Variants in MYO18A observed in about 807,000 individuals in gnomAD.
The protein encoded by MYO18A is unconventional myosin-XVIIIa.
MYO18A carries 78 observed loss-of-function variants against 235.8 expected under a neutral mutation model. That is an observed-to-expected ratio of 0.33 (90% CI 0.28 to 0.40). The LOEUF is 0.40. Ranked by LOEUF, MYO18A falls within the 10% of genes least tolerant of loss-of-function variation. MYO18A has a pLI of 1.00. For synonymous variants in MYO18A, 977 were observed against 1,077.8 expected, an observed-to-expected ratio of 0.91 and a Z score of 1.83; for missense variants, 2,215 against 2,699.3, an observed-to-expected ratio of 0.82 and a Z score of 3.98.
In MYO18A at chr17:29,092,939, G is replaced by A. The variant is rs895121184; in HGVS notation, c.4989C>T (p.Ala1663=). 1.2e-6 allele frequency: 2 copies of A among 1,613,810 alleles called. No homozygotes were observed. Among genetic ancestry groups the A allele is most frequent in the African/African-American group, 2.7e-5 (2 of 74,936 alleles). Residue 1663 remains alanine (A), a synonymous_variant, in exon 33 of 42, where the codon GCC becomes GCT. Transcript: ENST00000527372. ...RLRKDLKRTK[A]LLADAQLMLD... is the part of the protein sequence containing the mutation. The stretch of plus-strand genomic sequence containing the variant: ...GCATGAGCTGGGCATCTGCCAGCAG[G>A]GCCTTGGTGCGCTTCAGGTCCTTCC...
Position 29,089,916 on chromosome 17 carries a change from C to T in MYO18A, c.5526+45G>A, listed in dbSNP as rs1463916090. The T allele has an allele frequency of 7.4e-6, 12 of 1,611,496 alleles. No individual in the cohort carries two copies. In the Middle Eastern group the frequency reaches 4.9e-4, roughly 66 times the overall value. On this transcript the variant is annotated intron_variant, in intron 37 of 41. Transcript: ENST00000527372. The stretch of plus-strand genomic sequence containing the variant: ...AGCATGCGCGGCTCCAGCGCTGGGG[C>T]AGCTCTGCCCTGTTTGGTGTGGCCC...
chr17:29,159,938 A>G (rs910296988), intron 2 of MYO18A, among the ~76,000 whole-genome samples: 1 of 152,204 alleles, frequency 6.6e-6, no homozygotes, highest in Non-Finnish European at 1.5e-5. Context: ...AGCACCCAGA[A>G]GGCCATCTCT....
rs746882610 is a variant in MYO18A at position 29,119,370 on chromosome 17, G to C, written c.1794C>G (p.Phe598Leu). 6.2e-7 allele frequency: 1 copy of C among 1,612,912 alleles called. No individual in the cohort carries two copies. The highest frequency in any genetic ancestry group is 2.2e-5 in the East Asian group (1 of 44,874). Residue 598 changes from phenylalanine (F) to leucine (L), a missense_variant, in exon 8 of 42, where the codon TTC becomes TTG. Phe to Leu is a conservative substitution (Grantham distance 22). Coordinates refer to ENST00000527372, the MANE Select transcript of MYO18A (RefSeq NM_078471.4). The stretch of plus-strand genomic sequence containing the variant: ...CATCCCCACAGGCCAGCAGGTAGTA[G>C]AAGACGTTGAATGTGGCTTCACTGG... ...RPASEATFNVFYYLLACGDGT... is the reference protein window; with the variant it reads ...RPASEATFNVLYYLLACGDGT...
intron 2 of MYO18A, among the ~76,000 whole-genome samples, chr17:29,150,413 G>A (rs2067941956): frequency 6.6e-6 from 1 of 152,262 alleles, no homozygotes; most frequent in Admixed American, 6.5e-5. Flanking sequence ...TGCCCCAGTT[G>A]TGGTGGCACA....
At chr17:29,175,664 T>C (rs570304979) in intron 1 of MYO18A, among the ~76,000 whole-genome samples, 1 of 152,084 alleles carries the variant, frequency 6.6e-6, no homozygotes, top group South Asian at 2.1e-4. Flanking sequence ...GTGTCCGGCC[T>C]ACTACAGAAA....
chr17:29,151,228 C>T (rs1024567849), intron 2 of MYO18A, among the ~76,000 whole-genome samples: 2 of 152,104 alleles, frequency 1.3e-5, no homozygotes, highest in African/African-American at 2.4e-5. Context: ...AGCAAGACCC[C>T]GTCTCAGAAA....
At chr17:29,178,911 G>A (rs1206042266) in intron 1 of MYO18A, among the ~76,000 whole-genome samples, 1 of 152,180 alleles carries the variant, frequency 6.6e-6, no homozygotes, top group Non-Finnish European at 1.5e-5. Flanking sequence ...CTCCCTTCCA[G>A]CACACCCCAG....
rs746545546 is a variant in MYO18A, at chr17:29,114,954, G to C, written c.2464C>G (p.Leu822Val). The C allele has an allele frequency of 6.2e-7, 1 of 1,614,054 alleles. No individual in the cohort carries two copies. The highest frequency in any genetic ancestry group is 1.3e-5 in the African/African-American group (1 of 75,080). The change falls in exon 14 of 42, where the codon CTC (leucine) becomes GTC (valine). Residue 822 changes from leucine to valine, a missense_variant. Leu to Val is a conservative substitution (Grantham distance 32). Transcript: ENST00000527372. ...HNYTQDRLQR[L>V]FHERTFVQEL... ...TGCACGAAGGTGCGCTCGTGGAAGAGCCTCTGCAGCCGGTCTTGGGTGTAG... is the reference window on the plus strand; with the variant it reads ...TGCACGAAGGTGCGCTCGTGGAAGACCCTCTGCAGCCGGTCTTGGGTGTAG...
At position 29,093,438 on chromosome 17, in the gene MYO18A, A is replaced by G. The variant is rs370220004; in HGVS notation, c.4822-11T>C. 1.2e-6 allele frequency: 2 copies of G among 1,602,430 alleles called. No homozygotes were observed. The highest frequency in any genetic ancestry group is 1.7e-6 in the Non-Finnish European group (2 of 1,174,624). ...CTCCATCTGTTTTAACTGGAGTACC[A>G]TGGGGACAGAGACCCGTCCGTCCCT... On this transcript the variant is annotated splice_polypyrimidine_tract_variant and intron_variant, in intron 31 of 41. Transcript: ENST00000527372.
chr17:29,170,229 G>A (rs1051816768), intron 1 of MYO18A, among the ~76,000 whole-genome samples: 9 of 152,168 alleles, frequency 5.9e-5, no homozygotes, highest in Admixed American at 1.3e-4. Context: ...TTCAGAAAAT[G>A]AGGCTGTGCC....
At chr17:29,085,529 A>G in intron 40 of MYO18A, 75 bp downstream of exon 40, 1 of 1,385,656 alleles carries the variant, frequency 7.2e-7, no homozygotes, top group South Asian at 1.2e-5. Flanking sequence ...CAGCGGCCCC[A>G]GGGTGGGAGC....
chr17:29,080,015 C>T (rs1032799514), intron 41 of MYO18A: 6 of 986,052 alleles, frequency 6.1e-6, no homozygotes, highest in Non-Finnish European at 7.2e-6. Flanking sequence ...GAGGAAGCTT[C>T]GGAGCCGGAG....
At chr17:29,141,384 C>T (rs1373895651) in intron 2 of MYO18A, among the ~76,000 whole-genome samples, 4 of 150,996 alleles carry the variant, frequency 2.6e-5, no homozygotes, top group Non-Finnish European at 5.9e-5. Context: ...TCTCAGAAGC[C>T]GTCAGCTCTG....
intron 41 of MYO18A, chr17:29,080,696 T>A (rs2066098792): frequency 1.5e-5 from 15 of 985,382 alleles, no homozygotes; most frequent in Non-Finnish European, 1.7e-5. Context: ...GAGGCCGGGC[T>A]GAAGTCGGAG....
At chr17:29,169,723 T>C (rs1370683853) in intron 1 of MYO18A, among the ~76,000 whole-genome samples, 1 of 152,122 alleles carries the variant, frequency 6.6e-6, no homozygotes, top group Admixed American at 6.5e-5. Flanking sequence ...GGGACTTGGA[T>C]GGGACAAACA....
At chr17:29,108,843 A>AG (rs2066858340) in intron 19 of MYO18A, among the ~76,000 whole-genome samples, 1 of 152,106 alleles carries the variant, frequency 6.6e-6, no homozygotes, top group Non-Finnish European at 1.5e-5. Flanking sequence ...GGGTGAGGGA[A>AG]GGGGGGCCTG....
chr17:29,075,044 A>G, intron 41 of MYO18A, 130 bp from the exon 42 acceptor site: 2 of 1,097,240 alleles, frequency 1.8e-6, no homozygotes, highest in South Asian at 3.2e-5. Context: ...TTAAGTAAAA[A>G]CCTTCCTTGG....
chr17:29,093,668 C>A (rs1450784462), intron 31 of MYO18A, among the ~76,000 whole-genome samples: 1 of 152,006 alleles, frequency 6.6e-6, no homozygotes, highest in Non-Finnish European at 1.5e-5. Context: ...AGAGACCTTG[C>A]CGCATGGTGG....
rs1342274802 is a variant in MYO18A, at chr17:29,097,431, G to A, written c.4103-81C>T. 3.8e-6 allele frequency: 6 copies of A among 1,558,720 alleles called. No individual in the cohort carries two copies. In the South Asian group the frequency reaches 6.8e-5, roughly 18 times the overall value. On this transcript the variant is annotated intron_variant, in intron 26 of 41. Coordinates refer to ENST00000527372, the MANE Select transcript of MYO18A (RefSeq NM_078471.4). ...GCAGAGGGGAAGGAGGATGGGGCAG[G>A]GGGAGCAGCAGGTGGAGTCAGCCAG... is the stretch of plus-strand genomic sequence containing the variant.
Sources: gnomAD v4.1 joint callset for allele counts (sites outside exome capture counted in the v4.1 genomes callset) on GRCh38, gnomAD v4.1.1 for gene constraint, MANE v1.5 for transcripts, NCBI Gene and HGNC (gene_info 2026-07-23, HGNC 2026-07-21) for gene names.